The following AGAP1 variants were observed in gnomAD, a reference collection of about 807,000 sequenced individuals.
AGAP1 encodes the protein ArfGAP with GTPase domain, ankyrin repeat and PH domain 1.
AGAP1 carries 29 observed loss-of-function variants against 105.3 expected under a neutral mutation model. The observed-to-expected ratio is 0.28, with a 90% CI of 0.21 to 0.38. The LOEUF (loss-of-function observed/expected upper bound fraction) is 0.38, where lower values mean the gene tolerates loss of function less well. Among genes scored for constraint, AGAP1 ranks in the 10% least tolerant of loss-of-function variants. The pLI, the probability that AGAP1 is intolerant of heterozygous loss-of-function variation, is 1.00. For synonymous variants in AGAP1, 509 were observed against 485.9 expected (o/e 1.05, Z -0.63); for missense variants, 998 against 1,165.1 (o/e 0.86, Z 2.09).
In AGAP1 at chr2:235,689,931, T is replaced by A. The variant is rs568875012; in HGVS notation, c.164-19248T>A. ...GTGTCATTTGTGGTATTTTTTTTTTTAAATACTGCTTTTGTTTATTTTCCC... is the reference window on the plus strand; with the variant it reads ...GTGTCATTTGTGGTATTTTTTTTTTAAAATACTGCTTTTGTTTATTTTCCC... On this transcript the variant is annotated intron_variant, in intron 1 of 17. Transcript: ENST00000304032. This position sits in a 1 kb window ranked among gnomAD's most constrained non-coding sequence, Gnocchi z 4.2. Among the ~76,000 whole-genome samples, 8 of 152,302 alleles carry A rather than the reference T, an allele frequency of 5.3e-5. 1 individual carries two copies. The highest frequency in any genetic ancestry group is 4.1e-4 in the South Asian group (2 of 4,824).
At chr2:235,667,166 C>CT (rs1400084910) in intron 1 of AGAP1, among the ~76,000 whole-genome samples, 7 of 152,176 alleles carry the variant, frequency 4.6e-5, no homozygotes, top group African/African-American at 1.7e-4. Flanking sequence ...CCCTCGCTGT[C>CT]TTTCTGTGGT....
At position 236,035,966 on chromosome 2, in the gene AGAP1, TG is replaced by T. The variant is rs1349846809; in HGVS notation, c.1646-593del. ...AGTTCCTCTCTTCCCATTGCAGACA[TG>T]GCCCCAGAGTAGCTACCAAGTCTGG... On this transcript the variant is annotated intron_variant, in intron 13 of 17. Transcript: ENST00000304032. This position sits in a 1 kb window ranked among gnomAD's most constrained non-coding sequence, Gnocchi z 4.2. Among the ~76,000 whole-genome samples, 3 of 152,056 alleles carry T rather than the reference TG, an allele frequency of 2.0e-5. No homozygotes were observed. Among genetic ancestry groups the T allele is most frequent in the Non-Finnish European group, 4.4e-5 (3 of 67,996 alleles).
chr2:235,645,251 G>T (rs965196773), intron 1 of AGAP1, among the ~76,000 whole-genome samples: 1 of 152,074 alleles, frequency 6.6e-6, no homozygotes, highest in Non-Finnish European at 1.5e-5. Flanking sequence ...AAACAAAGTA[G>T]AATTACAGTT....
intron 9 of AGAP1, among the ~76,000 whole-genome samples, chr2:235,814,426 T>A (rs1958334348): frequency 6.6e-6 from 1 of 152,232 alleles, no homozygotes; most frequent in Non-Finnish European, 1.5e-5. Context: ...TTGCCAGAAC[T>A]TGTTTTTGTC....
chr2:236,060,085 C>T (rs1328700462), intron 16 of AGAP1, among the ~76,000 whole-genome samples: 7 of 152,076 alleles, frequency 4.6e-5, no homozygotes, highest in African/African-American at 1.4e-4. Flanking sequence ...AGCAAGACTT[C>T]GTCTCAAAAC....
intron 1 of AGAP1, among the ~76,000 whole-genome samples, chr2:235,641,052 A>G (rs1259982536): frequency 6.6e-6 from 1 of 152,176 alleles, no homozygotes; most frequent in African/African-American, 2.4e-5. Context: ...TTTGCCTACA[A>G]TAGTTCTTTT....
At chr2:236,118,431 C>G (rs2059823409) in intron 16 of AGAP1, among the ~76,000 whole-genome samples, 1 of 148,422 alleles carries the variant, frequency 6.7e-6, no homozygotes, top group Non-Finnish European at 1.5e-5. Flanking sequence ...ATTCTGTTAC[C>G]CAGGCTGGAG....
rs1474295701 is a variant in AGAP1 at position 235,931,604 on chromosome 2, C to T, written c.1483+681C>T. 6.6e-6 allele frequency among the ~76,000 whole-genome samples: 1 copy of T among 151,954 alleles called. No individual in the cohort carries two copies. Among genetic ancestry groups the T allele is most frequent in the Non-Finnish European group, 1.5e-5 (1 of 68,016 alleles). ...TGGCGTTTTGTCTCTGGCCTGTTCA[C>T]CGGTATTTAAAGGAATTCCCACTGT... On this transcript the variant is annotated intron_variant, in intron 12 of 17. Transcript: ENST00000304032. The surrounding 1 kb of genome is among the most constrained non-coding windows in gnomAD (Gnocchi z 5.6).
chr2:235,882,470 C>T lies in AGAP1; in HGVS notation c.1051-875C>T. On this transcript the variant is annotated intron_variant, in intron 9 of 17. Coordinates refer to ENST00000304032, the MANE Select transcript of AGAP1 (RefSeq NM_001037131.3). This position sits in a 1 kb window ranked among gnomAD's most constrained non-coding sequence, Gnocchi z 4.6. ...TGGCCCTATTGAAGCTGGCGATTCC[C>T]CCCACGTCTGGTTTGTCTGCCATTT... is the stretch of plus-strand genomic sequence containing the variant. The T allele has an allele frequency of 1.9e-6, 3 of 1,572,530 alleles. No homozygotes were observed. Among genetic ancestry groups the T allele is most frequent in the African/African-American group, 1.4e-5 (1 of 73,976 alleles).
chr2:236,070,606 T>C lies in AGAP1; in HGVS notation c.2114+21325T>C, dbSNP rs150109417. On this transcript the variant is annotated intron_variant, in intron 16 of 17. Transcript: ENST00000304032. ...GGTGTATCCACACAATGGAATATTG[T>C]TCAGCCACAGAAAAGACTAAAGCAT... is the stretch of plus-strand genomic sequence containing the variant. Among the ~76,000 whole-genome samples the C allele has an allele frequency of 2.2e-3, 338 of 152,336 alleles. 1 individual carries two copies. The highest frequency in any genetic ancestry group is 7.7e-3 in the African/African-American group (322 of 41,588).
In AGAP1 at chr2:236,105,688, C is replaced by T. The variant is rs937597151; in HGVS notation, c.2115-14504C>T. Among the ~76,000 whole-genome samples, 2 of 151,058 alleles carry T rather than the reference C, an allele frequency of 1.3e-5. No homozygotes were observed. The highest frequency in any genetic ancestry group is 2.1e-4 in the South Asian group (1 of 4,716). ...CTCCCGCGTTCACGCCATTCTCCCG[C>T]GTTCACGCCATTCTCCCACCTCAGC... On this transcript the variant is annotated intron_variant, in intron 16 of 17. Transcript: ENST00000304032. This position sits in a 1 kb window ranked among gnomAD's most constrained non-coding sequence, Gnocchi z 4.2.
At chr2:235,797,978 T>TC in intron 7 of AGAP1, 92 bp downstream of exon 7, 3 of 1,476,122 alleles carry the variant, frequency 2.0e-6, no homozygotes, top group Non-Finnish European at 2.7e-6. Context: ...ATTTTTTTTT[T>TC]CTTTTCAACT....
At chr2:236,033,256 TA>T (rs1288684640) in intron 13 of AGAP1, among the ~76,000 whole-genome samples, 1 of 151,944 alleles carries the variant, frequency 6.6e-6, no homozygotes, top group African/African-American at 2.4e-5. Flanking sequence ...AAAAAATAAA[TA>T]AATAGAGTGA....
intron 9 of AGAP1, among the ~76,000 whole-genome samples, chr2:235,825,865 T>C (rs868485280): frequency 9.7e-4 from 147 of 152,324 alleles, no homozygotes; most frequent in African/African-American, 3.0e-3. Flanking sequence ...AAGAGTGTCA[T>C]TGGATTGTTT....
At chr2:235,800,711 T>C (rs1957457167) in intron 8 of AGAP1, among the ~76,000 whole-genome samples, 1 of 152,218 alleles carries the variant, frequency 6.6e-6, no homozygotes, top group Non-Finnish European at 1.5e-5. Flanking sequence ...GGAGAAACTT[T>C]GGGCTCTCAC....
chr2:236,057,299 G>A (rs1218931166), intron 16 of AGAP1, among the ~76,000 whole-genome samples: 1 of 152,178 alleles, frequency 6.6e-6, no homozygotes, highest in Non-Finnish European at 1.5e-5. Flanking sequence ...AGTAGAGACA[G>A]GGTTTCAACG....
chr2:235,991,022 G>A (rs1478522891), intron 13 of AGAP1, among the ~76,000 whole-genome samples: 2 of 152,132 alleles, frequency 1.3e-5, no homozygotes, highest in African/African-American at 2.4e-5. Flanking sequence ...CTCTGTGGTC[G>A]GCATCTTCCT....
intron 9 of AGAP1, among the ~76,000 whole-genome samples, chr2:235,871,001 C>G (rs750015672): frequency 6.6e-6 from 1 of 152,188 alleles, no homozygotes; most frequent in African/African-American, 2.4e-5. Context: ...AAAGCTAATG[C>G]ACAGATTTCT....
rs1476830483 is a variant in AGAP1 at position 235,905,633 on chromosome 2, G to A, written c.1156-3105G>A. Among the ~76,000 whole-genome samples, 2 of 152,080 alleles carry A rather than the reference G, an allele frequency of 1.3e-5. No individual in the cohort carries two copies. Among genetic ancestry groups the A allele is most frequent in the Non-Finnish European group, 2.9e-5 (2 of 67,998 alleles). On this transcript the variant is annotated intron_variant, in intron 10 of 17. Coordinates refer to ENST00000304032, the MANE Select transcript of AGAP1 (RefSeq NM_001037131.3). The surrounding 1 kb of genome is among the most constrained non-coding windows in gnomAD (Gnocchi z 4.2). ...TCCTGCCTTAGCCTCCCAAGTAGCT[G>A]GGATTACAAGCACACGCCACCACAC... is the stretch of plus-strand genomic sequence containing the variant.
Sources: gnomAD v4.1 joint callset for allele counts (sites outside exome capture counted in the v4.1 genomes callset) on GRCh38, gnomAD v4.1.1 for gene constraint, Gnocchi (gnomAD v3.1) non-coding constraint, MANE v1.5 for transcripts, NCBI Gene and HGNC (gene_info 2026-07-23, HGNC 2026-07-21) for gene names.